PCDH15: variants seen among roughly 807,000 people sequenced by gnomAD.
PCDH15 encodes the protein protocadherin related 15, also known as protocadherin-15.
PCDH15 carries 129 observed loss-of-function variants against 178.5 expected under a neutral mutation model. The observed-to-expected ratio is 0.72, with a 90% CI of 0.63 to 0.84. The LOEUF is 0.84. Ranked by LOEUF, PCDH15 falls within the 40% of genes least tolerant of loss-of-function variation. The pLI, the probability that PCDH15 is intolerant of heterozygous loss-of-function variation, is 0.00. For missense variants in PCDH15, 2,230 were observed against 2,099.9 expected (o/e 1.06, Z -1.21); for synonymous variants, 800 against 732.0 (o/e 1.09, Z -1.50).
intron 1 of PCDH15, among the ~76,000 whole-genome samples, chr10:54,791,817 C>T (rs1473180076): frequency 1.3e-5 from 2 of 151,886 alleles, no homozygotes; most frequent in Non-Finnish European, 1.5e-5. Context: ...TTCTTTGTGC[C>T]TAAATTATTG....
chr10:54,252,839 A>G (rs1186532020), intron 8 of PCDH15, among the ~76,000 whole-genome samples: 1 of 151,940 alleles, frequency 6.6e-6, no homozygotes, highest in African/African-American at 2.4e-5. Flanking sequence ...CATTCAATAA[A>G]TATTAGTTTT....
intron 1 of PCDH15, among the ~76,000 whole-genome samples, chr10:54,789,145 A>T (rs1326934356): frequency 5.3e-5 from 8 of 151,956 alleles, no homozygotes; most frequent in Non-Finnish European, 4.4e-5. Context: ...TTTGACAACC[A>T]ATATATAACA....
chr10:54,912,853 A>AG (rs984306411), intron 2 of PCDH15, among the ~76,000 whole-genome samples: 1 of 152,114 alleles, frequency 6.6e-6, no homozygotes, highest in Admixed American at 6.6e-5. Flanking sequence ...GTCTCAGCTG[A>AG]GGGGGTCTCA....
chr10:54,658,319 C>T (rs540341229), intron 2 of PCDH15, among the ~76,000 whole-genome samples: 4 of 152,086 alleles, frequency 2.6e-5, no homozygotes, highest in Non-Finnish European at 5.9e-5. Context: ...ATGAACATTA[C>T]TAAGTCATAA....
At chr10:55,529,507 C>A (rs904148130) in intron 2 of PCDH15, among the ~76,000 whole-genome samples, 3 of 151,626 alleles carry the variant, frequency 2.0e-5, no homozygotes, top group African/African-American at 4.8e-5. Context: ...TGAGTCACTG[C>A]ACCTGGGCAG....
At chr10:54,412,753 C>T (rs960609197) in intron 3 of PCDH15, among the ~76,000 whole-genome samples, 1 of 152,172 alleles carries the variant, frequency 6.6e-6, no homozygotes, top group Non-Finnish European at 1.5e-5. Context: ...GACAGAGTCT[C>T]GCTCTGTAGC....
At chr10:55,166,306 G>T (rs574765165) in intron 2 of PCDH15, among the ~76,000 whole-genome samples, 18 of 152,068 alleles carry the variant, frequency 1.2e-4, no homozygotes, top group Non-Finnish European at 2.1e-4. Context: ...TGGGTAGAAG[G>T]TTTGCTTGTT....
At chr10:53,899,301 C>T (rs1246931973) in intron 26 of PCDH15, among the ~76,000 whole-genome samples, 5 of 151,912 alleles carry the variant, frequency 3.3e-5, no homozygotes, top group African/African-American at 1.2e-4. Context: ...ATTAGGTATA[C>T]CACTTCAGAG....
At chr10:54,114,219 T>C (rs1423877184) in intron 15 of PCDH15, among the ~76,000 whole-genome samples, 1 of 152,200 alleles carries the variant, frequency 6.6e-6, no homozygotes, top group Non-Finnish European at 1.5e-5. Flanking sequence ...TTCTTTTTAT[T>C]TTAGAAAACC....
At chr10:55,601,056 C>T (rs1363916936) in intron 2 of PCDH15, among the ~76,000 whole-genome samples, 1 of 152,012 alleles carries the variant, frequency 6.6e-6, no homozygotes, top group African/African-American at 2.4e-5. Flanking sequence ...CTTCACTAAA[C>T]CACATTCAAT....
At chr10:55,108,876 A>T (rs1365651567) in intron 2 of PCDH15, among the ~76,000 whole-genome samples, 1 of 152,178 alleles carries the variant, frequency 6.6e-6, no homozygotes, top group East Asian at 1.9e-4. Context: ...GTATAATTAC[A>T]TTATTATGAA....
chr10:54,307,022 A>G (rs368764839), intron 8 of PCDH15, among the ~76,000 whole-genome samples: 5,313 of 29,932 alleles, frequency 0.18, 699 homozygotes, highest in Middle Eastern at 0.29. Context: ...ATACATATAT[A>G]TATATATGTG....
chr10:54,902,941 T>A (rs1019964604), intron 2 of PCDH15, among the ~76,000 whole-genome samples: 2 of 152,142 alleles, frequency 1.3e-5, no homozygotes, highest in Non-Finnish European at 2.9e-5. Context: ...GGGTTACAGG[T>A]TTTTCTTTCC....
intron 3 of PCDH15, among the ~76,000 whole-genome samples, chr10:54,451,567 T>C (rs926944983): frequency 2.2e-4 from 33 of 152,052 alleles, no homozygotes; most frequent in African/African-American, 7.7e-4. Context: ...TGACCTTAAA[T>C]AGAACTGAAG....
chr10:54,443,871 G>C lies in PCDH15; in HGVS notation c.158-64929C>G, dbSNP rs2136199034. Among the ~76,000 whole-genome samples the C allele has an allele frequency of 2.0e-5, 3 of 151,640 alleles. No homozygotes were observed. The Middle Eastern group carries it at 0.01, about 516-fold the overall frequency. ...TTCCCAGCTCATAATTTCTGTAACA[G>C]AGCTCTAAGCTATGCTAAACTTCTG... On this transcript the variant is annotated intron_variant, in intron 3 of 37. Transcript: ENST00000644397.
chr10:55,319,317 G>T (rs1843821449), intron 1 of PCDH15, among the ~76,000 whole-genome samples: 1 of 152,154 alleles, frequency 6.6e-6, no homozygotes, highest in African/African-American at 2.4e-5. Flanking sequence ...TTAAATGCAA[G>T]TATATAAATG....
intron 2 of PCDH15, among the ~76,000 whole-genome samples, chr10:55,592,913 G>T (rs906753945): frequency 6.6e-6 from 1 of 151,950 alleles, no homozygotes; most frequent in Non-Finnish European, 1.5e-5. Flanking sequence ...TATAATAACA[G>T]AACATTTTCT....
At chr10:55,585,761 GTA>G (rs1043881228) in intron 2 of PCDH15, among the ~76,000 whole-genome samples, 1 of 151,876 alleles carries the variant, frequency 6.6e-6, no homozygotes, top group Non-Finnish European at 1.5e-5. Context: ...ATGTGTGTGT[GTA>G]TATATATGTG....
intron 15 of PCDH15, among the ~76,000 whole-genome samples, chr10:54,107,575 T>C (rs2094938670): frequency 6.6e-6 from 1 of 152,120 alleles, no homozygotes; most frequent in Admixed American, 6.5e-5. Context: ...TGAAATGTTT[T>C]GGGGAGCCAA....
Sources: allele counts gnomAD v4.1 joint callset (sites outside exome capture counted in the v4.1 genomes callset), GRCh38; gene constraint gnomAD v4.1.1; transcripts MANE v1.5; gene names NCBI Gene and HGNC (gene_info 2026-07-23, HGNC 2026-07-21).